Variants in EFL1 observed in about 807,000 individuals in gnomAD.
EFL1 encodes elongation factor like GTPase 1, also known as elongation factor-like GTPase 1.
EFL1 carries 76 observed loss-of-function variants against 126.7 expected under a neutral mutation model. The ratio of observed to expected loss-of-function variants is 0.60; its 90% CI spans 0.50 to 0.73. The LOEUF is 0.73. Ranked by LOEUF, EFL1 falls within the 30% of genes least tolerant of loss-of-function variation. The pLI is 0.00. For missense variants in EFL1, 1,128 were observed against 1,343.2 expected, an observed-to-expected ratio of 0.84 and a Z score of 2.50; for synonymous variants, 410 against 448.4, an observed-to-expected ratio of 0.91 and a Z score of 1.08.
At chr15:82,202,674 A>T (rs2141283310) in intron 15 of EFL1, among the ~76,000 whole-genome samples, 1 of 152,300 alleles carries the variant, frequency 6.6e-6, no homozygotes. Flanking sequence ...CAAGGCTTAA[A>T]AGTTAGCTGA....
At position 82,227,483 on chromosome 15, in the gene EFL1, A is replaced by G; in HGVS notation, c.1159T>C (p.Ser387Pro). 6.2e-7 allele frequency: 1 copy of G among 1,614,164 alleles called. No homozygotes were observed. Among genetic ancestry groups the G allele is most frequent in the Non-Finnish European group, 8.5e-7 (1 of 1,179,998 alleles). The part of the protein sequence containing the change: ...LMCTGSQTFD[S>P]FPPETQALKA... ...AGTGCTTGAGTTTCTGGTGGAAAAG[A>G]GTCAAAAGTTTGTGATCCTGTGCAC... The change falls in exon 11 of 20, where the codon TCT becomes CCT. Residue 387 changes from serine (S) to proline (P), a missense_variant. By Grantham distance (74) the Ser-to-Pro change is moderately conservative (BLOSUM62 -1). Coordinates refer to ENST00000268206, the MANE Select transcript of EFL1 (RefSeq NM_024580.6).
chr15:82,220,553 G>C (rs1317731253), intron 12 of EFL1, among the ~76,000 whole-genome samples: 3 of 152,246 alleles, frequency 2.0e-5, no homozygotes, highest in Admixed American at 6.5e-5. Flanking sequence ...AAGGGAAACA[G>C]TGACAGATAC....
intron 15 of EFL1, among the ~76,000 whole-genome samples, chr15:82,181,377 C>T (rs1031925562): frequency 6.6e-6 from 1 of 152,050 alleles, no homozygotes; most frequent in African/African-American, 2.4e-5. Flanking sequence ...ATGGGATGGA[C>T]AGAAAAATAT....
Position 82,227,449 on chromosome 15 carries a change from C to G in EFL1, c.1192+1G>C. 1 of 1,614,098 alleles carries G rather than the reference C, an allele frequency of 6.2e-7. No homozygotes were observed. Among genetic ancestry groups the G allele is most frequent in the Non-Finnish European group, 8.5e-7 (1 of 1,179,968 alleles). ...ATTCCAACAGGTCCATCTTTCCTCA[C>G]CTGCTTTCAGTGCTTGAGTTTCTGG... On this transcript the variant is annotated splice_donor_variant, in intron 11 of 19. Coordinates refer to ENST00000268206, the MANE Select transcript of EFL1 (RefSeq NM_024580.6). LOFTEE classifies it high-confidence loss of function.
intron 15 of EFL1, among the ~76,000 whole-genome samples, chr15:82,187,061 A>G (rs1254361566): frequency 6.6e-6 from 1 of 152,188 alleles, no homozygotes; most frequent in Non-Finnish European, 1.5e-5. Context: ...CTTCTTACAG[A>G]AGCTATTTTT....
At chr15:82,190,688 G>A (rs2074350230) in intron 15 of EFL1, among the ~76,000 whole-genome samples, 1 of 152,070 alleles carries the variant, frequency 6.6e-6, no homozygotes, top group Non-Finnish European at 1.5e-5. Context: ...CACAATAAGG[G>A]ATTTTACTTT....
chr15:82,204,321 C>G (rs182567457), intron 15 of EFL1, among the ~76,000 whole-genome samples: 80 of 152,120 alleles, frequency 5.3e-4, no homozygotes, highest in African/African-American at 1.9e-3. Context: ...ACTGTTATAA[C>G]TGAAAATCAC....
At chr15:82,180,311 T>C (rs1050418285) in intron 15 of EFL1, among the ~76,000 whole-genome samples, 1 of 149,686 alleles carries the variant, frequency 6.7e-6, no homozygotes, top group African/African-American at 2.5e-5. Flanking sequence ...TGAACCCAAT[T>C]TGTGTTACAT....
At chr15:82,157,564 CA>C in intron 17 of EFL1, 148 bp downstream of exon 17, 2 of 925,312 alleles carry the variant, frequency 2.2e-6, no homozygotes, top group Non-Finnish European at 3.1e-6. Context: ...AATAAGTCTA[CA>C]ATCGAATAAC....
intron 14 of EFL1, among the ~76,000 whole-genome samples, 192 bp downstream of exon 14, chr15:82,219,460 C>T (rs1371689800): frequency 6.6e-6 from 1 of 152,112 alleles, no homozygotes; most frequent in South Asian, 2.1e-4. Flanking sequence ...TATTGGTTTC[C>T]TAAATGCTAC....
At chr15:82,168,933 T>C (rs1489575282) in intron 15 of EFL1, among the ~76,000 whole-genome samples, 1 of 152,126 alleles carries the variant, frequency 6.6e-6, no homozygotes, top group Non-Finnish European at 1.5e-5. Flanking sequence ...TGGCTTACTA[T>C]CTTTGTATTT....
chr15:82,233,496 T>C (rs972982778), intron 7 of EFL1, among the ~76,000 whole-genome samples: 2 of 152,208 alleles, frequency 1.3e-5, no homozygotes, highest in African/African-American at 4.8e-5. Context: ...CCCTCCAAGC[T>C]ACCCAGTAGA....
intron 15 of EFL1, chr15:82,174,486 AG>A (rs1899271375): frequency 6.6e-6 from 1 of 152,220 alleles, no homozygotes. Flanking sequence ...GAATTACCAC[AG>A]GGCAATGAAC....
At chr15:82,234,068 A>G (rs1256553355) in intron 7 of EFL1, among the ~76,000 whole-genome samples, 3 of 152,230 alleles carry the variant, frequency 2.0e-5, no homozygotes, top group African/African-American at 7.2e-5. Context: ...AGTAAGGGCT[A>G]TGTAAATTAC....
intron 15 of EFL1, among the ~76,000 whole-genome samples, chr15:82,171,919 A>G (rs542834166): frequency 6.0e-4 from 91 of 152,258 alleles, no homozygotes; most frequent in African/African-American, 1.9e-3. Context: ...TAAAAGCTAC[A>G]AAGAGATGCT....
At chr15:82,211,244 C>A (rs1246583617) in intron 15 of EFL1, among the ~76,000 whole-genome samples, 1 of 151,836 alleles carries the variant, frequency 6.6e-6, no homozygotes, top group South Asian at 2.1e-4. Flanking sequence ...ACCAGACTCT[C>A]GGCTGGGCGC....
chr15:82,261,794 G>T lies in EFL1; in HGVS notation c.-16C>A. On this transcript the variant is annotated 5_prime_UTR_variant, in exon 2 of 20. Coordinates refer to ENST00000268206, the MANE Select transcript of EFL1 (RefSeq NM_024580.6). ...TGAGCACCATGATTACTTATTTCCT[G>T]TGACTAAAAATTAAATATGTATTAC... is the stretch of plus-strand genomic sequence containing the variant. 6.2e-7 allele frequency: 1 copy of T among 1,609,430 alleles called. No individual in the cohort carries two copies. The highest frequency in any genetic ancestry group is 8.5e-7 in the Non-Finnish European group (1 of 1,177,970).
At chr15:82,137,652 C>T (rs1391677583) in intron 19 of EFL1, among the ~76,000 whole-genome samples, 1 of 152,236 alleles carries the variant, frequency 6.6e-6, no homozygotes, top group African/African-American at 2.4e-5. Flanking sequence ...CATTACCTTA[C>T]AAGCCTCCAT....
At chr15:82,181,571 T>C (rs896101214) in intron 15 of EFL1, among the ~76,000 whole-genome samples, 7 of 152,152 alleles carry the variant, frequency 4.6e-5, no homozygotes, top group African/African-American at 9.7e-5. Flanking sequence ...CGGGAAAGTA[T>C]GGCAGCATAT....
Sources: gnomAD v4.1 joint callset for allele counts (sites outside exome capture counted in the v4.1 genomes callset) on GRCh38, gnomAD v4.1.1 for gene constraint, MANE v1.5 for transcripts, NCBI Gene and HGNC (gene_info 2026-07-23, HGNC 2026-07-21) for gene names.